GOLM1: variants seen among roughly 807,000 people sequenced by gnomAD.
GOLM1 encodes the protein golgi membrane protein 1.
In GOLM1, 31 loss-of-function variants were observed where a neutral mutation model predicts 50.5. The ratio of observed to expected loss-of-function variants is 0.61; its 90% CI spans 0.46 to 0.83. The LOEUF is 0.83. Among genes scored for constraint, GOLM1 ranks in the 40% least tolerant of loss-of-function variants. The pLI is 0.00. For synonymous variants in GOLM1, 178 were observed against 192.8 expected, an observed-to-expected ratio of 0.92 and a Z score of 0.64; for missense variants, 491 against 501.3, an observed-to-expected ratio of 0.98 and a Z score of 0.20.
At chr9:86,094,042 G>T (rs1489517260) in intron 1 of GOLM1, among the ~76,000 whole-genome samples, 1 of 152,226 alleles carries the variant, frequency 6.6e-6, no homozygotes, top group Non-Finnish European at 1.5e-5. Flanking sequence ...GGCGCAGCCT[G>T]GAGTCCGGGA....
intron 9 of GOLM1, among the ~76,000 whole-genome samples, chr9:86,031,491 C>A (rs1418352025): frequency 9.1e-6 from 1 of 109,488 alleles, no homozygotes; most frequent in Non-Finnish European, 1.7e-5. Context: ...GACGGAGTTT[C>A]ACTCTTCTTG....
intron 3 of GOLM1, among the ~76,000 whole-genome samples, chr9:86,062,405 G>C (rs1474410486): frequency 2.0e-5 from 3 of 151,956 alleles, no homozygotes; most frequent in African/African-American, 7.2e-5. Context: ...AGGATGGGGA[G>C]GAGGGGAAGG....
intron 3 of GOLM1, among the ~76,000 whole-genome samples, chr9:86,058,924 G>C (rs1008148005): frequency 3.9e-5 from 6 of 152,170 alleles, no homozygotes; most frequent in Non-Finnish European, 7.3e-5. Flanking sequence ...CTTGAATCCA[G>C]GAGGCGGAAG....
At chr9:86,047,964 G>T (rs1369349253) in intron 4 of GOLM1, among the ~76,000 whole-genome samples, 9 of 152,020 alleles carry the variant, frequency 5.9e-5, no homozygotes, top group African/African-American at 2.2e-4. Flanking sequence ...GTGCCATGTT[G>T]GTGTGCTGCA....
intron 1 of GOLM1, among the ~76,000 whole-genome samples, chr9:86,096,485 T>A (rs1023679194): frequency 1.3e-5 from 2 of 152,160 alleles, no homozygotes; most frequent in Non-Finnish European, 2.9e-5. Flanking sequence ...ACCTTGGAAT[T>A]TGTCAGAAAT....
intron 4 of GOLM1, 93 bp downstream of exon 4, chr9:86,052,444 A>T: frequency 9.8e-7 from 1 of 1,019,920 alleles, no homozygotes; most frequent in Admixed American, 1.8e-5. Context: ...CCATGAGATT[A>T]TAATGGAGAC....
At chr9:86,028,229 T>C (rs1188364904) in intron 9 of GOLM1, among the ~76,000 whole-genome samples, 1 of 152,206 alleles carries the variant, frequency 6.6e-6, no homozygotes, top group Non-Finnish European at 1.5e-5. Context: ...ATGCCACCCA[T>C]TCTGTGCCTA....
intron 9 of GOLM1, among the ~76,000 whole-genome samples, chr9:86,031,451 T>G (rs910416995): frequency 1.6e-4 from 21 of 128,046 alleles, no homozygotes; most frequent in African/African-American, 5.7e-4. Flanking sequence ...CCACTGAGGT[T>G]TTTTTTTTTT....
intron 1 of GOLM1, among the ~76,000 whole-genome samples, chr9:86,096,178 T>TCC (rs1835350696): frequency 2.9e-5 from 1 of 34,736 alleles, no homozygotes; most frequent in Non-Finnish European, 9.4e-5. Context: ...GCTCGATAGG[T>TCC]TTTTTTTTTT....
intron 6 of GOLM1, among the ~76,000 whole-genome samples, chr9:86,038,284 C>G (rs919688981): frequency 4.6e-5 from 7 of 152,116 alleles, no homozygotes; most frequent in Non-Finnish European, 1.0e-4. Flanking sequence ...TCTCAGTGAA[C>G]ATCAGAGAAA....
chr9:86,048,022 C>A (rs1340830112), intron 4 of GOLM1, among the ~76,000 whole-genome samples: 1 of 120,964 alleles, frequency 8.3e-6, no homozygotes, highest in Non-Finnish European at 1.7e-5. Flanking sequence ...AAAGCCATCC[C>A]TCCCCCCTCC....
chr9:86,084,056 T>A (rs1834874900), intron 1 of GOLM1, among the ~76,000 whole-genome samples: 2 of 152,094 alleles, frequency 1.3e-5, no homozygotes, highest in Admixed American at 1.3e-4. Context: ...CTGAAAAAAG[T>A]CCTGAGTTCC....
At chr9:86,033,542 C>G (rs977939439) in intron 8 of GOLM1, 147 bp from the exon 9 acceptor site, 1 of 621,292 alleles carries the variant, frequency 1.6e-6, no homozygotes, top group Non-Finnish European at 2.9e-6. Context: ...GACGCAAGGG[C>G]TGGCTTCCAG....
At chr9:86,083,671 A>G (rs1271226241) in intron 1 of GOLM1, among the ~76,000 whole-genome samples, 1 of 152,232 alleles carries the variant, frequency 6.6e-6, no homozygotes, top group Admixed American at 6.5e-5. Flanking sequence ...TATGGGCATG[A>G]GCCACCATGC....
chr9:86,059,522 G>A (rs148916886), intron 3 of GOLM1, among the ~76,000 whole-genome samples: 1,572 of 152,258 alleles, frequency 0.01, 20 homozygotes, highest in African/African-American at 0.032. Flanking sequence ...CAGAAAGCAG[G>A]TTAGTGGTTG....
chr9:86,041,985 C>T (rs1223071531), intron 5 of GOLM1, among the ~76,000 whole-genome samples: 4 of 152,098 alleles, frequency 2.6e-5, no homozygotes, highest in African/African-American at 4.8e-5. Context: ...GGCATGGTGG[C>T]GGGCTCCTGT....
At chr9:86,058,447 G>A (rs1441546542) in intron 3 of GOLM1, among the ~76,000 whole-genome samples, 2 of 152,118 alleles carry the variant, frequency 1.3e-5, no homozygotes, top group African/African-American at 4.8e-5. Flanking sequence ...GGTGGCTCAT[G>A]CCTGTAATCC....
In GOLM1 at chr9:86,035,425, G is replaced by A. The variant is rs200746561; in HGVS notation, c.958C>T (p.Arg320Ter). 25 of 1,613,764 alleles carry A rather than the reference G, an allele frequency of 1.5e-5. No individual in the cohort carries two copies. Among genetic ancestry groups the A allele is most frequent in the South Asian group, 4.4e-5 (4 of 91,068 alleles). Reference protein sequence around the residue: ...QENPEMEGPERDQLVIPDGQE... With the variant: ...QENPEMEGPE Reference sequence around the variant, plus strand: ...CCGTCGGGGATGACAAGCTGGTCTCGCTCAGGGCCCTCCATCTCTGGATTT... The same window carrying A: ...CCGTCGGGGATGACAAGCTGGTCTCACTCAGGGCCCTCCATCTCTGGATTT... Residue 320 changes from arginine to a stop codon, truncating the protein, a stop_gained, in exon 8 of 10, where the codon CGA (arginine) becomes TGA (stop). Transcript: ENST00000388712. LOFTEE classifies it high-confidence loss of function.
At chr9:86,068,766 C>A (rs1221328851) in intron 3 of GOLM1, among the ~76,000 whole-genome samples, 2 of 152,198 alleles carry the variant, frequency 1.3e-5, no homozygotes, top group African/African-American at 4.8e-5. Context: ...AAAAACAACA[C>A]GTGTGTCTAA....
Sources: allele counts gnomAD v4.1 joint callset (sites outside exome capture counted in the v4.1 genomes callset), GRCh38; gene constraint gnomAD v4.1.1; transcripts MANE v1.5; gene names NCBI Gene and HGNC (gene_info 2026-07-23, HGNC 2026-07-21).